The following DOT1L variants were observed in gnomAD, a reference collection of about 807,000 sequenced individuals.
DOT1L encodes histone-lysine N-methyltransferase, H3 lysine-79 specific.
A neutral mutation model predicts 153.3 loss-of-function variants in DOT1L; 33 were observed. The observed-to-expected ratio is 0.22, with a 90% confidence interval of 0.16 to 0.29. DOT1L has a LOEUF of 0.29. Among genes scored for constraint, DOT1L ranks in the 10% least tolerant of loss-of-function variants. DOT1L has a pLI of 1.00. For missense variants in DOT1L, 1,847 were observed against 2,119.9 expected (o/e 0.87, Z 2.53); for synonymous variants, 1,135 against 965.1 (o/e 1.18, Z -3.26).
intron 2 of DOT1L, 58 bp downstream of exon 2, chr19:2,180,814 C>A (rs1464227249): frequency 6.9e-6 from 11 of 1,598,962 alleles, no homozygotes; most frequent in South Asian, 6.7e-5. Context: ...TCCGTGGACA[C>A]CCGTGCCCTG....
chr19:2,180,881 G>A (rs771032306), intron 2 of DOT1L, 125 bp downstream of exon 2: 44 of 1,168,178 alleles, frequency 3.8e-5, no homozygotes, highest in Non-Finnish European at 5.1e-5. Flanking sequence ...GTGTTGTGAA[G>A]CGGATCAGGG....
chr19:2,222,699 G>A lies in DOT1L; in HGVS notation c.3390+140G>A, dbSNP rs1361131806. On this transcript the variant is annotated intron_variant, in intron 24 of 27. Coordinates refer to ENST00000398665, the MANE Select transcript of DOT1L (RefSeq NM_032482.3). This position sits in a 1 kb window ranked among gnomAD's most constrained non-coding sequence, Gnocchi z 6.5. The stretch of plus-strand genomic sequence containing the variant: ...GTGGATCACAAGATCAGGACATCAA[G>A]ACCATCCTGGCTAACACGGTGAAAC... The A allele has an allele frequency of 1.2e-6, 1 of 806,064 alleles. No individual in the cohort carries two copies. Among genetic ancestry groups the A allele is most frequent in the East Asian group, 2.7e-5 (1 of 36,736 alleles). 49.9% of individuals were successfully genotyped at this position (806,064 alleles called of 1,614,324 possible).
Position 2,213,567 on chromosome 19 carries a change from C to T in DOT1L, c.1586C>T (p.Ala529Val). The stretch of plus-strand genomic sequence containing the variant: ...AAGAACGCCCAGCTCCTGGGTGCGG[C>T]TCAGCAGCTCCTCAGCCACTGCCAG... ...KEKNAQLLGA[A>V]QQLLSHCQAQ... is the part of the protein sequence containing the mutation. Residue 529 changes from alanine (A) to valine (V), a missense_variant, in exon 17 of 28, where the codon GCT (alanine) becomes GTT (valine). Physicochemically the swap from Ala to Val is moderately conservative, Grantham distance 64 (BLOSUM62 0). Around this residue, in one of 8 missense-constraint regions of DOT1L, gnomAD observed 156 missense variants for 235.7 expected, o/e 0.66. Transcript: ENST00000398665. 1 of 1,613,318 alleles carries T rather than the reference C, an allele frequency of 6.2e-7. No homozygotes were observed. The highest frequency in any genetic ancestry group is 8.5e-7 in the Non-Finnish European group (1 of 1,179,966).
chr19:2,187,375 G>A (rs997928432), intron 3 of DOT1L, among the ~76,000 whole-genome samples: 11 of 152,232 alleles, frequency 7.2e-5, no homozygotes, highest in Non-Finnish European at 1.0e-4. Flanking sequence ...GGTGTGTGGC[G>A]TCCTTCCTCT....
In DOT1L at chr19:2,173,996, G is replaced by T. The variant is rs1213256299; in HGVS notation, c.82-6717G>T. Among the ~76,000 whole-genome samples, 3 of 152,296 alleles carry T rather than the reference G, an allele frequency of 2.0e-5. No homozygotes were observed. In the South Asian group the frequency reaches 6.2e-4, roughly 32 times the overall value. On this transcript the variant is annotated intron_variant, in intron 1 of 27. Transcript: ENST00000398665. ...TTGTTTGAGACAAACTCTGTCACCC[G>T]GGCTGGAGTATTGGAGTTTAGTGGC...
rs1364772536 is a variant in DOT1L at position 2,193,822 on chromosome 19, G to C, written c.588+39G>C. 3.8e-5 allele frequency: 61 copies of C among 1,599,288 alleles called. No homozygotes were observed. Among genetic ancestry groups the C allele is most frequent in the Non-Finnish European group, 5.0e-5 (59 of 1,170,444 alleles). ...AGGGCCAGGGTGTGTTGGAGGCAGG[G>C]GACCATCAGAGAAAGTGACGCCCTG... On this transcript the variant is annotated intron_variant, in intron 6 of 27. Coordinates refer to ENST00000398665, the MANE Select transcript of DOT1L (RefSeq NM_032482.3). This position sits in a 1 kb window ranked among gnomAD's most constrained non-coding sequence, Gnocchi z 5.9.
At position 2,210,688 on chromosome 19, in the gene DOT1L, G is replaced by T; in HGVS notation, c.1184G>T (p.Arg395Leu). 3 of 1,613,154 alleles carry T rather than the reference G, an allele frequency of 1.9e-6. No individual in the cohort carries two copies. Among genetic ancestry groups the T allele is most frequent in the Non-Finnish European group, 2.5e-6 (3 of 1,179,978 alleles). ...TVKKPSPSKA[R>L]KKKLNKKGRK... ...AAGAAGCCGTCTCCCTCCAAAGCCC[G>T]CAAGAAGAAGCTAAACAAGAAGGGG... Residue 395 changes from arginine (R) to leucine (L), a missense_variant, in exon 14 of 28, where the codon CGC becomes CTC. Transcript: ENST00000398665.
In DOT1L at chr19:2,214,291, G is replaced by A. The variant is rs185846419; in HGVS notation, c.1798-180G>A. 77 of 1,091,360 alleles carry A rather than the reference G, an allele frequency of 7.1e-5. No individual in the cohort carries two copies. In the Admixed American group the frequency reaches 1.1e-3, roughly 15 times the overall value. The allele number at this position is 1,091,360 out of a possible 1,614,324, so 67.6% of individuals were successfully genotyped here. A position where few individuals can be genotyped will look rare whatever the true frequency, so the allele number is the denominator to read the frequency against. On this transcript the variant is annotated intron_variant, in intron 18 of 27. Transcript: ENST00000398665. ...GGTGCTGGAGCTGCCTCATCTGTCC[G>A]TGGGGGGCCCCAGTCTCCGCGTGTT...
At chr19:2,180,093 C>T (rs2022157622) in intron 1 of DOT1L, among the ~76,000 whole-genome samples, 1 of 152,114 alleles carries the variant, frequency 6.6e-6, no homozygotes, top group Admixed American at 6.5e-5. Context: ...CTGTGTTAGG[C>T]CAAGGACCTT....
chr19:2,219,965 G>C (rs2024050220), intron 22 of DOT1L, 143 bp from the exon 23 acceptor site: 2 of 681,564 alleles, frequency 2.9e-6, no homozygotes, highest in Admixed American at 5.9e-5. Context: ...TTCCCCCGCT[G>C]CCCTCTTCCC....
Position 2,222,774 on chromosome 19 carries a change from C to T in DOT1L, c.3390+215C>T. 1.8e-6 allele frequency: 1 copy of T among 557,278 alleles called. No individual in the cohort carries two copies. The highest frequency in any genetic ancestry group is 3.1e-6 in the Non-Finnish European group (1 of 325,426). The allele number at this position is 557,278 out of a possible 1,614,324, so 34.5% of individuals were successfully genotyped here. A position where few individuals can be genotyped will look rare whatever the true frequency, so the allele number is the denominator to read the frequency against. On this transcript the variant is annotated intron_variant, in intron 24 of 27. Coordinates refer to ENST00000398665, the MANE Select transcript of DOT1L (RefSeq NM_032482.3). This position sits in a 1 kb window ranked among gnomAD's most constrained non-coding sequence, Gnocchi z 6.5. ...GATTAGCCGGGCGTGGTGGCGGGTGCCTGGGAGGCTGAGGCAGGAGAATGA... is the reference window on the plus strand; with the variant it reads ...GATTAGCCGGGCGTGGTGGCGGGTGTCTGGGAGGCTGAGGCAGGAGAATGA...
In DOT1L at chr19:2,190,298, G is replaced by A. The variant is rs888953154; in HGVS notation, c.264+503G>A. Among the ~76,000 whole-genome samples the A allele has an allele frequency of 3.3e-5, 5 of 152,172 alleles. No individual in the cohort carries two copies. The highest frequency in any genetic ancestry group is 1.2e-4 in the African/African-American group (5 of 41,428). On this transcript the variant is annotated intron_variant, in intron 4 of 27. Coordinates refer to ENST00000398665, the MANE Select transcript of DOT1L (RefSeq NM_032482.3). This position sits in a 1 kb window ranked among gnomAD's most constrained non-coding sequence, Gnocchi z 4.8. Reference sequence around the variant, plus strand: ...GCTGGGGTGTAGCAGGGAGGGGAACGTGCTGCTTCCCATGTTCTAGAAAGC... The same window carrying A: ...GCTGGGGTGTAGCAGGGAGGGGAACATGCTGCTTCCCATGTTCTAGAAAGC...
chr19:2,175,165 A>C (rs2021864530), intron 1 of DOT1L, among the ~76,000 whole-genome samples: 1 of 151,748 alleles, frequency 6.6e-6, no homozygotes, highest in South Asian at 2.1e-4. Flanking sequence ...CGCCCGGTTA[A>C]TTTTTTATAT....
intron 27 of DOT1L, chr19:2,229,523 T>G: frequency 1.0e-6 from 1 of 985,408 alleles, no homozygotes; most frequent in Non-Finnish European, 1.2e-6. Flanking sequence ...TAGGGTGGCT[T>G]TAGCTGGACT....
At chr19:2,227,561 G>C (rs971296649) in intron 27 of DOT1L, 1 of 687,936 alleles carries the variant, frequency 1.5e-6, no homozygotes, top group Non-Finnish European at 2.1e-6. Context: ...GGGGCGGGGG[G>C]CCGGAGGGCG....
chr19:2,172,335 G>A (rs563248950), intron 1 of DOT1L, among the ~76,000 whole-genome samples: 7 of 151,334 alleles, frequency 4.6e-5, no homozygotes, highest in African/African-American at 1.2e-4. Flanking sequence ...GACTACAGGC[G>A]CCCGCCGCCA....
intron 2 of DOT1L, among the ~76,000 whole-genome samples, chr19:2,182,939 G>T (rs1439619114): frequency 6.6e-6 from 1 of 152,160 alleles, no homozygotes; most frequent in Non-Finnish European, 1.5e-5. Context: ...AGGCACAGGG[G>T]CGTGCACCAA....
At chr19:2,219,802 G>A (rs1203189866) in intron 22 of DOT1L, among the ~76,000 whole-genome samples, 1 of 152,168 alleles carries the variant, frequency 6.6e-6, no homozygotes, top group Non-Finnish European at 1.5e-5. Context: ...GTGAGGGCGG[G>A]CTGTGGGTTG....
chr19:2,181,314 C>T (rs1306537664), intron 2 of DOT1L, among the ~76,000 whole-genome samples: 1 of 152,210 alleles, frequency 6.6e-6, no homozygotes, highest in Non-Finnish European at 1.5e-5. Context: ...GTGGCACCTG[C>T]ACGGAGGCCA....
Sources: allele counts gnomAD v4.1 joint callset (sites outside exome capture counted in the v4.1 genomes callset), GRCh38; gene constraint gnomAD v4.1.1; regional missense constraint gnomAD v4.1.1; non-coding constraint Gnocchi (gnomAD v3.1); transcripts MANE v1.5; gene names NCBI Gene and HGNC (gene_info 2026-07-23, HGNC 2026-07-21).